The following SLC8A1 variants were observed in gnomAD, a reference collection of about 807,000 sequenced individuals.
SLC8A1 encodes the protein sodium/calcium exchanger 1.
A neutral mutation model predicts 68.3 loss-of-function variants in SLC8A1; 18 were observed. The observed-to-expected ratio is 0.26, with a 90% CI of 0.18 to 0.39. SLC8A1 has a LOEUF of 0.39. SLC8A1 is among the 10% of genes least tolerant of loss of function. SLC8A1 has a pLI of 1.00. For synonymous variants in SLC8A1, 475 were observed against 415.5 expected (o/e 1.14, Z -1.74); for missense variants, 985 against 1,156.7 (o/e 0.85, Z 2.15).
chr2:40,270,821 C>T (rs2065931828), intron 2 of SLC8A1, among the ~76,000 whole-genome samples: 1 of 152,142 alleles, frequency 6.6e-6, no homozygotes, highest in African/African-American at 2.4e-5. Flanking sequence ...GGGAGGTTTC[C>T]AGAGACTGAA....
chr2:40,472,769 A>T (rs971944081), intron 1 of SLC8A1, among the ~76,000 whole-genome samples: 1 of 152,190 alleles, frequency 6.6e-6, no homozygotes, highest in African/African-American at 2.4e-5. Flanking sequence ...AGTTAACATA[A>T]CCAATCAGTG....
intron 2 of SLC8A1, among the ~76,000 whole-genome samples, chr2:40,310,851 T>G (rs1310720699): frequency 6.6e-6 from 1 of 152,112 alleles, no homozygotes; most frequent in African/African-American, 2.4e-5. Context: ...TAGCAACCAT[T>G]TACTCACATA....
chr2:40,200,457 A>G (rs889951218), intron 2 of SLC8A1, among the ~76,000 whole-genome samples: 6 of 149,110 alleles, frequency 4.0e-5, no homozygotes, highest in African/African-American at 1.5e-4. Flanking sequence ...TATTTTTCCC[A>G]TGTAACATCT....
chr2:40,328,837 G>A (rs1432731671), intron 2 of SLC8A1, among the ~76,000 whole-genome samples: 1 of 152,006 alleles, frequency 6.6e-6, no homozygotes, highest in Non-Finnish European at 1.5e-5. Context: ...TCCCCCATCT[G>A]ATCTGCTTGC....
intron 7 of SLC8A1, among the ~76,000 whole-genome samples, chr2:40,124,842 C>T (rs1011729847): frequency 6.6e-6 from 1 of 152,236 alleles, no homozygotes; most frequent in Non-Finnish European, 1.5e-5. Flanking sequence ...TCATGACACA[C>T]TGCTTTGTGA....
intron 2 of SLC8A1, among the ~76,000 whole-genome samples, chr2:40,261,699 G>C (rs954190867): frequency 6.7e-6 from 1 of 150,194 alleles, no homozygotes; most frequent in African/African-American, 2.5e-5. Context: ...AGGTGTGAAT[G>C]AATTATTTAA....
At chr2:40,469,437 C>A (rs952334843) in intron 1 of SLC8A1, among the ~76,000 whole-genome samples, 5 of 152,132 alleles carry the variant, frequency 3.3e-5, no homozygotes, top group Non-Finnish European at 7.4e-5. Flanking sequence ...TTCCTGAGGC[C>A]TCCCAGTCAT....
intron 2 of SLC8A1, among the ~76,000 whole-genome samples, chr2:40,403,032 C>T (rs1689221193): frequency 6.6e-6 from 1 of 152,140 alleles, no homozygotes; most frequent in Non-Finnish European, 1.5e-5. Flanking sequence ...CACTTACATA[C>T]AAATGACACT....
rs576221341 is a variant in SLC8A1 at position 40,346,074 on chromosome 2, G to C, written c.1808+82399C>G. Among the ~76,000 whole-genome samples, 5 of 86,730 alleles carry C rather than the reference G, an allele frequency of 5.8e-5. No individual in the cohort carries two copies. The East Asian group carries it at 1.6e-3, about 28-fold the overall frequency. The allele number at this position is 86,730 out of a possible 152,430, so 56.9% of individuals were successfully genotyped here. On this transcript the variant is annotated intron_variant, in intron 2 of 7. Transcript: ENST00000406785. Reference sequence around the variant, plus strand: ...AAAAAAAAAAAAAAAAAAAAAAAAAGAAAGAAAGAAAAAGAAAACCCTCAA... The same window carrying C: ...AAAAAAAAAAAAAAAAAAAAAAAAACAAAGAAAGAAAAAGAAAACCCTCAA...
intron 1 of SLC8A1, among the ~76,000 whole-genome samples, chr2:40,431,392 C>T (rs1257943831): frequency 6.6e-6 from 1 of 152,086 alleles, no homozygotes; most frequent in Non-Finnish European, 1.5e-5. Flanking sequence ...AAAATATACA[C>T]ATGATGAAGG....
intron 7 of SLC8A1, among the ~76,000 whole-genome samples, chr2:40,122,038 T>C (rs1428248434): frequency 6.6e-6 from 1 of 152,118 alleles, no homozygotes; most frequent in Non-Finnish European, 1.5e-5. Context: ...TTCTATACCC[T>C]CATCTGTCTT....
At chr2:40,489,989 T>C (rs1306899765) in intron 1 of SLC8A1, among the ~76,000 whole-genome samples, 1 of 152,126 alleles carries the variant, frequency 6.6e-6, no homozygotes, top group Non-Finnish European at 1.5e-5. Context: ...CATTTTTACA[T>C]TGTGTCACTA....
intron 2 of SLC8A1, among the ~76,000 whole-genome samples, chr2:40,202,292 C>A (rs1264455596): frequency 6.6e-6 from 1 of 151,940 alleles, no homozygotes; most frequent in African/African-American, 2.4e-5. Context: ...CTTGCTCAAT[C>A]CTTTTAGATA....
At chr2:40,337,470 AAAGC>A in intron 2 of SLC8A1, 1 of 221,406 alleles carries the variant, frequency 4.5e-6, no homozygotes, top group Middle Eastern at 4.9e-4. Flanking sequence ...AAAAAAAGGA[AAAGC>A]AAGAAAAACA....
chr2:40,284,608 A>G (rs1323094042), intron 2 of SLC8A1, among the ~76,000 whole-genome samples: 1 of 147,724 alleles, frequency 6.8e-6, no homozygotes, highest in Non-Finnish European at 1.5e-5. Context: ...TACATTATAT[A>G]TATAAATTAA....
chr2:40,388,968 A>G (rs1209678336), intron 2 of SLC8A1, among the ~76,000 whole-genome samples: 1 of 152,192 alleles, frequency 6.6e-6, no homozygotes, highest in East Asian at 1.9e-4. Flanking sequence ...GCTAAAGTTT[A>G]GGAAACGTAA....
chr2:40,190,876 A>C (rs2051677453), intron 2 of SLC8A1: 1 of 152,118 alleles, frequency 6.6e-6, no homozygotes, highest in African/African-American at 2.4e-5. Flanking sequence ...CCTTCTTCAA[A>C]CATAGTCATG....
At chr2:40,478,647 T>C (rs545694230) in intron 1 of SLC8A1, among the ~76,000 whole-genome samples, 16 of 152,294 alleles carry the variant, frequency 1.1e-4, no homozygotes, top group African/African-American at 3.6e-4. Flanking sequence ...CAATATCTGA[T>C]GAGTTCCAAA....
At chr2:40,215,694 C>T (rs988163251) in intron 2 of SLC8A1, among the ~76,000 whole-genome samples, 2 of 144,904 alleles carry the variant, frequency 1.4e-5, no homozygotes, top group African/African-American at 2.5e-5. Flanking sequence ...CAAGGTCTTG[C>T]TTTGTTGCCC....
Sources: gnomAD v4.1 joint callset for allele counts (sites outside exome capture counted in the v4.1 genomes callset) on GRCh38, gnomAD v4.1.1 for gene constraint, MANE v1.5 for transcripts, NCBI Gene and HGNC (gene_info 2026-07-23, HGNC 2026-07-21) for gene names.